SORCS1: variants seen among roughly 807,000 people sequenced by gnomAD.
SORCS1 encodes the protein sortilin related VPS10 domain containing receptor 1.
In SORCS1, 60 loss-of-function variants were observed where a neutral mutation model predicts 146.1. The observed-to-expected ratio is 0.41, with a 90% CI of 0.33 to 0.51. The LOEUF (loss-of-function observed/expected upper bound fraction) is 0.51, where lower values mean the gene tolerates loss of function less well. Among genes scored for constraint, SORCS1 ranks in the 20% least tolerant of loss-of-function variants. The probability of loss-of-function intolerance (pLI) is 0.21; values close to 1 mark genes in which losing one functional copy is unlikely to be tolerated. For missense variants in SORCS1, 1,352 were observed against 1,487.6 expected (o/e 0.91, Z 1.50); for synonymous variants, 637 against 584.0 (o/e 1.09, Z -1.31).
At chr10:106,810,878 T>C (rs1272438606) in intron 3 of SORCS1, among the ~76,000 whole-genome samples, 1 of 152,000 alleles carries the variant, frequency 6.6e-6, no homozygotes, top group African/African-American at 2.4e-5. Flanking sequence ...GCTGTCTTTC[T>C]AGGAGAGAAA....
At chr10:106,737,696 CT>C (rs1857056446) in intron 5 of SORCS1, among the ~76,000 whole-genome samples, 1 of 151,950 alleles carries the variant, frequency 6.6e-6, no homozygotes, top group African/African-American at 2.4e-5. Flanking sequence ...CTGCACTCCC[CT>C]ACCCACCCCC....
intron 1 of SORCS1, among the ~76,000 whole-genome samples, chr10:107,011,629 C>T (rs1057266900): frequency 8.5e-5 from 13 of 152,196 alleles, no homozygotes; most frequent in Non-Finnish European, 1.8e-4. Context: ...GACAAGTTAC[C>T]TCTTGCAAAA....
chr10:106,743,100 T>C (rs534757490), intron 5 of SORCS1, among the ~76,000 whole-genome samples: 2 of 152,286 alleles, frequency 1.3e-5, no homozygotes, highest in East Asian at 1.9e-4. Context: ...TAGTCCACTA[T>C]GGATGTGAAT....
chr10:106,864,416 C>T (rs942225994), intron 2 of SORCS1, among the ~76,000 whole-genome samples: 4 of 152,150 alleles, frequency 2.6e-5, no homozygotes, highest in Non-Finnish European at 4.4e-5. Flanking sequence ...GAACCCACTC[C>T]ACCATGGCCT....
intron 1 of SORCS1, among the ~76,000 whole-genome samples, chr10:107,162,050 G>C (rs1205578518): frequency 6.6e-6 from 1 of 152,100 alleles, no homozygotes; most frequent in Non-Finnish European, 1.5e-5. Context: ...AACCTAATAA[G>C]CCCTACTAGA....
chr10:106,826,028 T>C (rs1223946458), intron 3 of SORCS1, among the ~76,000 whole-genome samples: 2 of 152,222 alleles, frequency 1.3e-5, no homozygotes, highest in Non-Finnish European at 2.9e-5. Flanking sequence ...AAACAGTCGA[T>C]GGATGATCAT....
Position 106,891,501 on chromosome 10 carries a change from A to ATTTTTTTTT in SORCS1, c.627-61829_627-61828insAAAAAAAAA, listed in dbSNP as rs562213104. On this transcript the variant is annotated intron_variant, in intron 2 of 25. Coordinates refer to ENST00000263054, the MANE Select transcript of SORCS1 (RefSeq NM_052918.5). ...AAAGTAATCAGAAGTTTCAATGGGA[A>ATTTTTTTTT]TTCTTTTTTTTTTTTTGAGAAAAGA... Among the ~76,000 whole-genome samples, 397 of 74,076 alleles carry ATTTTTTTTT rather than the reference A, an allele frequency of 5.4e-3. 14 individuals carry two copies. Among genetic ancestry groups the ATTTTTTTTT allele is most frequent in the African/African-American group, 0.022 (373 of 16,770 alleles). 48.6% of individuals were successfully genotyped at this position (74,076 alleles called of 152,430 possible). A position where few individuals can be genotyped will look rare whatever the true frequency, so the allele number is the denominator to read the frequency against.
intron 3 of SORCS1, among the ~76,000 whole-genome samples, chr10:106,824,236 G>A (rs1047477456): frequency 4.0e-5 from 6 of 151,648 alleles, no homozygotes; most frequent in Non-Finnish European, 7.4e-5. Flanking sequence ...CTCAGGAGGC[G>A]GAGGTTGCGG....
intron 17 of SORCS1, among the ~76,000 whole-genome samples, chr10:106,662,265 G>C (rs1193936352): frequency 6.6e-6 from 1 of 152,128 alleles, no homozygotes; most frequent in Non-Finnish European, 1.5e-5. Flanking sequence ...TATACACAGG[G>C]TAATAAGCTG....
intron 2 of SORCS1, among the ~76,000 whole-genome samples, chr10:106,854,487 T>A (rs1949707548): frequency 6.6e-6 from 1 of 152,028 alleles, no homozygotes; most frequent in African/African-American, 2.4e-5. Flanking sequence ...GCCTATCACA[T>A]TTTTACCATT....
chr10:106,921,511 A>C (rs981958816), intron 2 of SORCS1, among the ~76,000 whole-genome samples: 1 of 152,176 alleles, frequency 6.6e-6, no homozygotes, highest in African/African-American at 2.4e-5. Flanking sequence ...TGACTCCTCT[A>C]TTTGATTGAA....
At chr10:107,127,704 C>A (rs1410379450) in intron 1 of SORCS1, among the ~76,000 whole-genome samples, 2 of 152,196 alleles carry the variant, frequency 1.3e-5, no homozygotes, top group African/African-American at 4.8e-5. Flanking sequence ...CCCTCATGCT[C>A]AAAGGCTGCC....
chr10:106,750,348 T>G (rs1419247123), intron 5 of SORCS1, among the ~76,000 whole-genome samples: 1 of 151,914 alleles, frequency 6.6e-6, no homozygotes, highest in Non-Finnish European at 1.5e-5. Flanking sequence ...TGAATGAAGG[T>G]CGCATGAAAA....
intron 3 of SORCS1, among the ~76,000 whole-genome samples, chr10:106,787,078 A>C (rs1190328306): frequency 3.3e-5 from 5 of 152,220 alleles, no homozygotes. Flanking sequence ...AGACCAGTTC[A>C]ATGTCCATTA....
intron 2 of SORCS1, among the ~76,000 whole-genome samples, chr10:106,860,593 A>G (rs181126999): frequency 1.1e-4 from 16 of 152,300 alleles, no homozygotes; most frequent in South Asian, 2.1e-4. Context: ...AGCTTGCCCA[A>G]TGCCACATAG....
chr10:106,677,369 A>C lies in SORCS1; in HGVS notation c.1776T>G (p.Asp592Glu), dbSNP rs1250740388. ...TCATAGCAACCAGGACTCCACCTTG[A>C]TCCAGGTACAAAACACTGTGCTCTT... ...FEEEHSVLYL[D>E]QGGVLVAMKH... is the part of the protein sequence containing the mutation. The change falls in exon 13 of 26, where the codon GAT becomes GAG. Residue 592 changes from aspartate (D) to glutamate (E), a missense_variant. Around this residue, in one of 3 missense-constraint regions of SORCS1, gnomAD observed 648 missense variants for 793.8 expected, o/e 0.82. Transcript: ENST00000263054. The C allele has an allele frequency of 6.2e-7, 1 of 1,614,012 alleles. No individual in the cohort carries two copies. The highest frequency in any genetic ancestry group is 1.7e-5 in the Admixed American group (1 of 60,010).
At chr10:107,160,070 A>G (rs777867063) in intron 1 of SORCS1, among the ~76,000 whole-genome samples, 2 of 152,246 alleles carry the variant, frequency 1.3e-5, no homozygotes, top group African/African-American at 4.8e-5. Context: ...CAACCAAAGC[A>G]CTACTTAAGG....
chr10:106,715,050 T>G (rs570275977), intron 6 of SORCS1, among the ~76,000 whole-genome samples: 122 of 152,278 alleles, frequency 8.0e-4, no homozygotes, highest in African/African-American at 2.8e-3. Flanking sequence ...GTGTTCCTGG[T>G]TTGTTCCCTT....
chr10:106,935,660 T>C (rs1953675884), intron 2 of SORCS1, among the ~76,000 whole-genome samples: 1 of 152,232 alleles, frequency 6.6e-6, no homozygotes, highest in Non-Finnish European at 1.5e-5. Context: ...GTCTGTCTAG[T>C]ACAAATTCTT....
Sources: allele counts gnomAD v4.1 joint callset (sites outside exome capture counted in the v4.1 genomes callset), GRCh38; gene constraint gnomAD v4.1.1; regional missense constraint gnomAD v4.1.1; transcripts MANE v1.5; gene names NCBI Gene and HGNC (gene_info 2026-07-23, HGNC 2026-07-21).